EXT2: variants seen among roughly 807,000 people sequenced by gnomAD.
The protein encoded by EXT2 is exostosin glycosyltransferase 2.
A neutral mutation model predicts 81.6 loss-of-function variants in EXT2; 53 were observed. The observed-to-expected ratio is 0.65, with a 90% CI of 0.52 to 0.82. EXT2 has a LOEUF of 0.82. Among genes scored for constraint, EXT2 ranks in the 40% least tolerant of loss-of-function variants. EXT2 has a pLI of 0.00. For synonymous variants in EXT2, 320 were observed against 340.0 expected (o/e 0.94, Z 0.65); for missense variants, 774 against 910.2 (o/e 0.85, Z 1.93).
At chr11:44,209,358 G>A (rs949463720) in intron 10 of EXT2, among the ~76,000 whole-genome samples, 4 of 152,088 alleles carry the variant, frequency 2.6e-5, no homozygotes, top group African/African-American at 9.7e-5. Context: ...TGCCATGTTA[G>A]CTGCTGCTGC....
intron 8 of EXT2, among the ~76,000 whole-genome samples, chr11:44,184,374 A>C (rs1467515683): frequency 1.3e-5 from 2 of 152,214 alleles, no homozygotes; most frequent in Non-Finnish European, 2.9e-5. Context: ...TTTTTCTTAA[A>C]GTAAGTGCTC....
At position 44,198,199 on chromosome 11, in the gene EXT2, C is replaced by T; in HGVS notation, c.1495+181C>T. 4.5e-6 allele frequency: 3 copies of T among 660,842 alleles called. No individual in the cohort carries two copies. The South Asian group carries it at 5.3e-5, about 12-fold the overall frequency. 40.9% of individuals were successfully genotyped at this position (660,842 alleles called of 1,614,324 possible). A position where few individuals can be genotyped will look rare whatever the true frequency, so the allele number is the denominator to read the frequency against. On this transcript the variant is annotated intron_variant, in intron 9 of 13. Coordinates refer to ENST00000533608, the MANE Select transcript of EXT2 (RefSeq NM_207122.2). ...AGGGTGGCCCATTTAACTCCAAGCC[C>T]TGGCATACTCTGTAGCCACAAGTGT...
chr11:44,177,817 A>G (rs1395844778), intron 8 of EXT2, among the ~76,000 whole-genome samples: 1 of 152,184 alleles, frequency 6.6e-6, no homozygotes, highest in African/African-American at 2.4e-5. Context: ...TAAAACAGAA[A>G]GAGAAGAGAG....
intron 1 of EXT2, among the ~76,000 whole-genome samples, chr11:44,099,448 G>A (rs1470625497): frequency 6.6e-6 from 1 of 152,090 alleles, no homozygotes; most frequent in East Asian, 1.9e-4. Flanking sequence ...ACCTCCCAAA[G>A]TGCTGGGATT....
At chr11:44,176,623 G>A (rs1211115799) in intron 8 of EXT2, among the ~76,000 whole-genome samples, 1 of 152,106 alleles carries the variant, frequency 6.6e-6, no homozygotes, top group Non-Finnish European at 1.5e-5. Flanking sequence ...AATAGCGATG[G>A]TTTATTTATA....
At chr11:44,179,863 A>G (rs1027535293) in intron 8 of EXT2, among the ~76,000 whole-genome samples, 8 of 151,526 alleles carry the variant, frequency 5.3e-5, no homozygotes, top group Admixed American at 6.6e-5. Context: ...GTGTCTCCCA[A>G]TTGATTAATG....
At chr11:44,231,645 G>A (rs956004548) in intron 10 of EXT2, among the ~76,000 whole-genome samples, 4 of 152,170 alleles carry the variant, frequency 2.6e-5, no homozygotes, top group African/African-American at 4.8e-5. Flanking sequence ...ACCAAGACTA[G>A]CCAACAAATT....
Position 44,096,348 on chromosome 11 carries a change from T to G in EXT2, c.-31+496T>G, listed in dbSNP as rs11037860. On this transcript the variant is annotated intron_variant, in intron 1 of 13. Coordinates refer to ENST00000533608, the MANE Select transcript of EXT2 (RefSeq NM_207122.2). ...TAGGGAAGGGGCCAGGGGCATGTTA[T>G]GCCGGGGACTGGGTGGTCGGGGGCG... The G allele has an allele frequency of 0.72, 1,098,672 of 1,531,358 alleles. 395,996 individuals are homozygous for G. The highest frequency in any genetic ancestry group is 0.9 in the East Asian group (36,851 of 40,722). The allele number at this position is 1,531,358 out of a possible 1,614,324, so 94.9% of individuals were successfully genotyped here. A position where few individuals can be genotyped will look rare whatever the true frequency, so the allele number is the denominator to read the frequency against.
chr11:44,119,205 T>C (rs1224975038), intron 4 of EXT2, among the ~76,000 whole-genome samples: 1 of 140,878 alleles, frequency 7.1e-6, no homozygotes, highest in African/African-American at 2.6e-5. Context: ...TTTTTGACTG[T>C]CATGACTGTG....
intron 13 of EXT2, among the ~76,000 whole-genome samples, chr11:44,241,887 G>A (rs909723701): frequency 6.6e-6 from 1 of 152,228 alleles, no homozygotes; most frequent in Non-Finnish European, 1.5e-5. Context: ...CCTGGCAGGA[G>A]AGTTAAGGAC....
At chr11:44,172,935 C>T (rs925036239) in intron 8 of EXT2, among the ~76,000 whole-genome samples, 14 of 152,160 alleles carry the variant, frequency 9.2e-5, no homozygotes, top group African/African-American at 3.1e-4. Flanking sequence ...CATATAGGAC[C>T]ATCCTTTTCT....
chr11:44,230,847 G>A lies in EXT2; in HGVS notation c.1663-1506G>A, dbSNP rs1955890060. ...CAGCAACCCTAGGAAACTGAAAAGG[G>A]CATAGGGTCCAAACACACTGGCTCT... On this transcript the variant is annotated intron_variant, in intron 10 of 13. Coordinates refer to ENST00000533608, the MANE Select transcript of EXT2 (RefSeq NM_207122.2). Among the ~76,000 whole-genome samples the A allele has an allele frequency of 4.6e-5, 7 of 152,262 alleles. No individual in the cohort carries two copies. In the South Asian group the frequency reaches 1.0e-3, roughly 23 times the overall value.
At chr11:44,142,482 T>C (rs193282083) in intron 7 of EXT2, among the ~76,000 whole-genome samples, 1 of 152,334 alleles carries the variant, frequency 6.6e-6, no homozygotes, top group East Asian at 1.9e-4. Context: ...ATAAGGAGTT[T>C]AATAGCAGGA....
chr11:44,221,203 G>A (rs1273990255), intron 10 of EXT2, among the ~76,000 whole-genome samples: 12 of 152,056 alleles, frequency 7.9e-5, no homozygotes, highest in Non-Finnish European at 1.8e-4. Context: ...CATTCCATTG[G>A]TTTTAGTATG....
intron 7 of EXT2, among the ~76,000 whole-genome samples, chr11:44,164,291 T>C (rs116256719): frequency 0.01 from 1,597 of 152,350 alleles, 23 homozygotes; most frequent in African/African-American, 0.035. Flanking sequence ...ATATTAATTA[T>C]AGTTAAAGTC....
intron 10 of EXT2, 70 bp from the exon 11 acceptor site, chr11:44,232,283 T>A: frequency 6.2e-7 from 1 of 1,603,662 alleles, no homozygotes; most frequent in South Asian, 1.1e-5. Context: ...TGATACCTGT[T>A]TGGATAACTC....
chr11:44,184,019 G>T (rs1304334345), intron 8 of EXT2, among the ~76,000 whole-genome samples: 3 of 152,202 alleles, frequency 2.0e-5, no homozygotes, highest in Non-Finnish European at 2.9e-5. Flanking sequence ...GAGGTTTTCT[G>T]TGGAAATTCT....
intron 8 of EXT2, among the ~76,000 whole-genome samples, chr11:44,191,224 G>A (rs1278278322): frequency 6.6e-6 from 1 of 152,234 alleles, no homozygotes; most frequent in Non-Finnish European, 1.5e-5. Context: ...TCTTATTGGC[G>A]CTTCTGTACT....
intron 8 of EXT2, among the ~76,000 whole-genome samples, chr11:44,173,877 C>G (rs978971170): frequency 6.6e-6 from 1 of 151,860 alleles, no homozygotes; most frequent in Non-Finnish European, 1.5e-5. Context: ...TTTTTTTCTT[C>G]TTTCTAACAG....
Sources: allele counts gnomAD v4.1 joint callset (sites outside exome capture counted in the v4.1 genomes callset), GRCh38; gene constraint gnomAD v4.1.1; transcripts MANE v1.5; gene names NCBI Gene and HGNC (gene_info 2026-07-23, HGNC 2026-07-21).